DLGAP1: variants seen among roughly 807,000 people sequenced by gnomAD.
DLGAP1 encodes the protein DLG associated protein 1, also known as disks large-associated protein 1.
In DLGAP1, 11 loss-of-function variants were observed where a neutral mutation model predicts 90.8. That is an observed-to-expected ratio of 0.12 (90% CI 0.08 to 0.20). The LOEUF is 0.20. Ranked by LOEUF, DLGAP1 falls within the 10% of genes least tolerant of loss-of-function variation. DLGAP1 has a pLI of 1.00. For missense variants in DLGAP1, 1,050 were observed against 1,333.8 expected, an observed-to-expected ratio of 0.79 and a Z score of 3.31; for synonymous variants, 558 against 540.7, an observed-to-expected ratio of 1.03 and a Z score of -0.44.
chr18:3,754,716 T>TAAAA (rs2063643612), intron 5 of DLGAP1, among the ~76,000 whole-genome samples: 1 of 58,826 alleles, frequency 1.7e-5, no homozygotes, highest in South Asian at 4.4e-4. Flanking sequence ...CCGTCTCTAC[T>TAAAA]AAAATACAAA....
chr18:3,574,814 ATT>A (rs1568224270), intron 8 of DLGAP1, among the ~76,000 whole-genome samples: 1 of 50,158 alleles, frequency 2.0e-5, no homozygotes, highest in African/African-American at 6.2e-5. Flanking sequence ...ATTTTATTTT[ATT>A]TTATTTTATT....
chr18:4,025,362 C>A (rs529896701), intron 2 of DLGAP1, among the ~76,000 whole-genome samples: 1 of 151,844 alleles, frequency 6.6e-6, no homozygotes, highest in East Asian at 1.9e-4. Context: ...CAAAAATTTT[C>A]AGATTTTGGA....
intron 2 of DLGAP1, among the ~76,000 whole-genome samples, chr18:4,042,787 G>A (rs2074995135): frequency 6.6e-6 from 1 of 152,074 alleles, no homozygotes; most frequent in Non-Finnish European, 1.5e-5. Flanking sequence ...TAAAATTATG[G>A]TTCATAGCAA....
intron 1 of DLGAP1, among the ~76,000 whole-genome samples, chr18:4,219,631 A>C (rs2078035075): frequency 1.3e-5 from 2 of 151,946 alleles, no homozygotes; most frequent in Admixed American, 1.3e-4. Context: ...TTTAATCTTT[A>C]ATCCATTTTT....
At chr18:3,590,118 C>T (rs1234540693) in intron 7 of DLGAP1, among the ~76,000 whole-genome samples, 6 of 152,172 alleles carry the variant, frequency 3.9e-5, no homozygotes, top group Non-Finnish European at 7.3e-5. Context: ...CCATGTTGGT[C>T]AGGCTGGTCT....
At position 3,742,387 on chromosome 18, in the gene DLGAP1, T is replaced by C. The variant is rs772788008; in HGVS notation, c.1298A>G (p.Lys433Arg). ...LDPAGLLTSP[K>R]FRSRNESYMR... ...GTAGCTCTCATTCCTGGAGCGGAAC[T>C]TTGGTGATGTGAGCAAGCCTGCAGG... is the stretch of plus-strand genomic sequence containing the variant. The change falls in exon 6 of 13, where the codon AAG (lysine) becomes AGG (arginine). Residue 433 changes from lysine to arginine, a missense_variant. This residue lies in a region of DLGAP1 where 565 missense variants were observed against 879.7 expected (regional missense o/e 0.64). Coordinates refer to ENST00000315677, the MANE Select transcript of DLGAP1 (RefSeq NM_004746.4). 6.2e-7 allele frequency: 1 copy of C among 1,614,100 alleles called. No homozygotes were observed. Among genetic ancestry groups the C allele is most frequent in the East Asian group, 2.2e-5 (1 of 44,874 alleles).
At chr18:3,767,400 T>G (rs569856024) in intron 5 of DLGAP1, among the ~76,000 whole-genome samples, 16 of 152,070 alleles carry the variant, frequency 1.1e-4, no homozygotes, top group African/African-American at 3.9e-4. Flanking sequence ...TAAAATGAAT[T>G]TTTATAAAGC....
chr18:3,993,163 G>A (rs1209038540), intron 3 of DLGAP1: 3 of 151,522 alleles, frequency 2.0e-5, no homozygotes, highest in Non-Finnish European at 4.4e-5. Flanking sequence ...TACCCAAGCA[G>A]GAACCCCCCT....
intron 4 of DLGAP1, among the ~76,000 whole-genome samples, chr18:3,858,094 TC>T (rs2069761605): frequency 6.6e-6 from 1 of 152,192 alleles, no homozygotes; most frequent in South Asian, 2.1e-4. Context: ...CATATAAGAT[TC>T]AGCAGGCCGA....
intron 9 of DLGAP1, among the ~76,000 whole-genome samples, chr18:3,558,571 A>G (rs1025242147): frequency 4.6e-5 from 7 of 152,162 alleles, no homozygotes; most frequent in African/African-American, 7.2e-5. Context: ...GTAGGTGCAT[A>G]CATGTTAAAG....
chr18:4,041,614 T>C (rs1343492388), intron 2 of DLGAP1, among the ~76,000 whole-genome samples: 3 of 152,214 alleles, frequency 2.0e-5, no homozygotes, highest in East Asian at 1.9e-4. Context: ...AGAATAAGGA[T>C]GGAACTATCT....
At chr18:3,970,814 C>A (rs1185323264) in intron 3 of DLGAP1, among the ~76,000 whole-genome samples, 3 of 152,128 alleles carry the variant, frequency 2.0e-5, no homozygotes, top group Non-Finnish European at 4.4e-5. Context: ...CCTAATTGAA[C>A]TGAAATCCAC....
chr18:4,396,945 A>G (rs565825275), intron 1 of DLGAP1, among the ~76,000 whole-genome samples: 1 of 152,338 alleles, frequency 6.6e-6, no homozygotes, highest in South Asian at 2.1e-4. Flanking sequence ...AAAGAATGAA[A>G]CAAAGGGTAA....
chr18:4,153,067 C>T (rs931067578), intron 1 of DLGAP1, among the ~76,000 whole-genome samples: 1 of 151,924 alleles, frequency 6.6e-6, no homozygotes, highest in African/African-American at 2.4e-5. Flanking sequence ...AAAAAGACAC[C>T]CAAAACACAA....
rs564495893 is a variant in DLGAP1, at chr18:4,071,097, G to T, written c.-158-65896C>A. On this transcript the variant is annotated intron_variant, in intron 2 of 12. Coordinates refer to ENST00000315677, the MANE Select transcript of DLGAP1 (RefSeq NM_004746.4). ...GGAGACAGAGTAAATAATTATTTTTGTCTATTCAAGATATTTACATGTTCA... is the reference window on the plus strand; with the variant it reads ...GGAGACAGAGTAAATAATTATTTTTTTCTATTCAAGATATTTACATGTTCA... Among the ~76,000 whole-genome samples the T allele has an allele frequency of 1.3e-4, 20 of 152,050 alleles. No individual in the cohort carries two copies. The East Asian group carries it at 3.9e-3, about 29-fold the overall frequency.
intron 7 of DLGAP1, among the ~76,000 whole-genome samples, chr18:3,674,721 G>A (rs1021262355): frequency 2.6e-5 from 4 of 151,758 alleles, no homozygotes; most frequent in Admixed American, 1.3e-4. Flanking sequence ...CCACCCCACT[G>A]TCATCACCTA....
chr18:4,024,141 T>C, intron 2 of DLGAP1, among the ~76,000 whole-genome samples: 1 of 152,344 alleles, frequency 6.6e-6, no homozygotes, highest in East Asian at 1.9e-4. Flanking sequence ...AAAACTCCTC[T>C]CTTTGGTAAT....
At chr18:4,090,629 CT>C (rs796725665) in intron 2 of DLGAP1, among the ~76,000 whole-genome samples, 50 of 152,276 alleles carry the variant, frequency 3.3e-4, no homozygotes, top group African/African-American at 1.1e-3. Flanking sequence ...AATAGGAACG[CT>C]TTTACACCAC....
At chr18:3,673,882 G>T (rs1013914262) in intron 7 of DLGAP1, among the ~76,000 whole-genome samples, 3 of 148,728 alleles carry the variant, frequency 2.0e-5, no homozygotes, top group Admixed American at 6.7e-5. Context: ...TCACTCTGTT[G>T]CCCAGGCTGG....
Sources: gnomAD v4.1 joint callset for allele counts (sites outside exome capture counted in the v4.1 genomes callset) on GRCh38, gnomAD v4.1.1 for gene constraint, gnomAD v4.1.1 regional missense constraint, MANE v1.5 for transcripts, NCBI Gene and HGNC (gene_info 2026-07-23, HGNC 2026-07-21) for gene names.